The following SLC38A9 variants were observed in gnomAD, a reference collection of about 807,000 sequenced individuals.
SLC38A9 encodes neutral amino acid transporter 9.
Under a neutral mutation model 62.3 loss-of-function variants are expected in SLC38A9, and 48 were observed. The ratio of observed to expected loss-of-function variants is 0.77; its 90% confidence interval spans 0.61 to 0.98. The LOEUF (loss-of-function observed/expected upper bound fraction) is 0.98. Among genes scored for constraint, SLC38A9 ranks in the 50% least tolerant of loss-of-function variants. SLC38A9 has a pLI of 0.00. For synonymous variants in SLC38A9, 204 were observed against 227.7 expected (o/e 0.90, Z 0.94); for missense variants, 541 against 679.8 (o/e 0.80, Z 2.27).
chr5:55,698,518 T>C (rs1580420366), intron 2 of SLC38A9, among the ~76,000 whole-genome samples: 1 of 152,140 alleles, frequency 6.6e-6, no homozygotes, highest in East Asian at 1.9e-4. Flanking sequence ...TAATAAATCA[T>C]CCCCTTTCCC....
At chr5:55,692,557 T>C (rs1212049883) in intron 3 of SLC38A9, 5 of 882,170 alleles carry the variant, frequency 5.7e-6, no homozygotes, top group Non-Finnish European at 6.8e-6. Flanking sequence ...TACTGCTAAG[T>C]CTCTATATTT....
At chr5:55,666,893 T>C (rs1305406917) in intron 7 of SLC38A9, among the ~76,000 whole-genome samples, 1 of 151,438 alleles carries the variant, frequency 6.6e-6, no homozygotes, top group East Asian at 2.0e-4. Context: ...TGGGTGCCTG[T>C]AGTTCCAGCT....
At chr5:55,696,690 A>AG (rs1755814689) in intron 3 of SLC38A9, 1 of 37,716 alleles carries the variant, frequency 2.7e-5, no homozygotes, top group African/African-American at 9.0e-5. Flanking sequence ...GCGGCTGGCC[A>AG]GGCGGGGGGC....
rs142260786 is a variant in SLC38A9, at chr5:55,658,445, C to T, written c.698-1671G>A. ...CTGGGATTACAGGCATAAACCACCG[C>T]GCCCAGCCCAATTTATAGGAAGAGG... On this transcript the variant is annotated intron_variant, in intron 8 of 15. Transcript: ENST00000396865. Among the ~76,000 whole-genome samples, 72 of 152,292 alleles carry T rather than the reference C, an allele frequency of 4.7e-4. 1 individual carries two copies. The South Asian group carries it at 5.0e-3, about 11-fold the overall frequency.
intron 3 of SLC38A9, among the ~76,000 whole-genome samples, chr5:55,695,320 G>T (rs542766759): frequency 7.4e-6 from 1 of 134,782 alleles, no homozygotes; most frequent in African/African-American, 2.7e-5. Context: ...CACAGAGGGG[G>T]ATTTGGCAGG....
In SLC38A9 at chr5:55,629,728, T is replaced by C. The variant is rs373128404; in HGVS notation, c.1431-1748A>G. Among the ~76,000 whole-genome samples, 15 of 152,130 alleles carry C rather than the reference T, an allele frequency of 9.9e-5. No homozygotes were observed. In the East Asian group the frequency reaches 2.7e-3, roughly 27 times the overall value. On this transcript the variant is annotated intron_variant, in intron 14 of 15. Coordinates refer to ENST00000396865, the MANE Select transcript of SLC38A9 (RefSeq NM_173514.4). ...TATATAAGCTTGTCACTTATATAAT[T>C]CAAGGAAAACAACTGGCAGTATTTG...
intron 11 of SLC38A9, among the ~76,000 whole-genome samples, chr5:55,648,749 G>A (rs1226327299): frequency 6.6e-6 from 1 of 152,094 alleles, no homozygotes; most frequent in Non-Finnish European, 1.5e-5. Context: ...CACATTGTAC[G>A]TTCCCAACAA....
intron 3 of SLC38A9, 51 bp from the exon 4 acceptor site, chr5:55,672,746 A>G (rs1003771117): frequency 1.3e-6 from 2 of 1,578,312 alleles, no homozygotes; most frequent in African/African-American, 2.7e-5. Flanking sequence ...AAAATTCTGG[A>G]AGTCAGCCTT....
intron 11 of SLC38A9, among the ~76,000 whole-genome samples, chr5:55,646,562 T>A (rs1220335020): frequency 6.6e-6 from 1 of 152,170 alleles, no homozygotes; most frequent in Non-Finnish European, 1.5e-5. Context: ...AACTGGTCAT[T>A]TAACTTTCTT....
intron 4 of SLC38A9, among the ~76,000 whole-genome samples, chr5:55,671,737 A>G (rs1751369051): frequency 6.6e-6 from 1 of 151,982 alleles, no homozygotes; most frequent in Non-Finnish European, 1.5e-5. Context: ...AACCCCAGCT[A>G]CTCAGGAGGC....
intron 9 of SLC38A9, among the ~76,000 whole-genome samples, chr5:55,655,460 G>T (rs1748232402): frequency 6.6e-6 from 1 of 152,086 alleles, no homozygotes; most frequent in Admixed American, 6.5e-5. Context: ...TTGATCCTTT[G>T]AAAATTCTGA....
intron 9 of SLC38A9, among the ~76,000 whole-genome samples, chr5:55,654,195 C>A (rs1748012635): frequency 6.6e-6 from 1 of 152,146 alleles, no homozygotes; most frequent in South Asian, 2.1e-4. Context: ...ATTCTCTATC[C>A]ATTATTTGGC....
intron 3 of SLC38A9, among the ~76,000 whole-genome samples, chr5:55,681,221 A>G (rs1752955381): frequency 6.6e-6 from 1 of 152,224 alleles, no homozygotes; most frequent in Non-Finnish European, 1.5e-5. Context: ...AATATGATAT[A>G]AAAATTATGC....
intron 3 of SLC38A9, among the ~76,000 whole-genome samples, chr5:55,679,122 C>A (rs1752645790): frequency 7.5e-6 from 1 of 132,852 alleles, no homozygotes; most frequent in Admixed American, 7.8e-5. Context: ...TTAAAAATTT[C>A]TATTATGTTT....
At chr5:55,635,232 C>T (rs1000627295) in intron 13 of SLC38A9, 5 of 323,426 alleles carry the variant, frequency 1.5e-5, no homozygotes, top group Non-Finnish European at 2.9e-5. Context: ...CAGTTCCCCA[C>T]AAAAAGAGAA....
chr5:55,638,725 T>G (rs1201910958), intron 12 of SLC38A9, among the ~76,000 whole-genome samples: 2 of 152,200 alleles, frequency 1.3e-5, no homozygotes, highest in Admixed American at 6.6e-5. Flanking sequence ...TAACTTCTCC[T>G]GGTATATAGC....
chr5:55,657,995 G>A (rs1013788879), intron 8 of SLC38A9: 15 of 152,064 alleles, frequency 9.9e-5, no homozygotes, highest in Admixed American at 8.5e-4. Context: ...ATCTTGACAC[G>A]AAGTGTACTG....
intron 4 of SLC38A9, among the ~76,000 whole-genome samples, chr5:55,671,158 A>G (rs1011237336): frequency 9.9e-5 from 15 of 151,486 alleles, no homozygotes; most frequent in Admixed American, 9.2e-4. Context: ...ACTATCTCAT[A>G]TGCGGTAGTT....
At chr5:55,633,674 T>G (rs750936029) in intron 14 of SLC38A9, 80 bp downstream of exon 14, 66 of 1,585,596 alleles carry the variant, frequency 4.2e-5, no homozygotes, top group Non-Finnish European at 2.6e-5. Context: ...AGCAAAAGGA[T>G]CAGTCACACT....
Sources: gnomAD v4.1 joint callset for allele counts (sites outside exome capture counted in the v4.1 genomes callset) on GRCh38, gnomAD v4.1.1 for gene constraint, MANE v1.5 for transcripts, NCBI Gene and HGNC (gene_info 2026-07-23, HGNC 2026-07-21) for gene names.